Variants in PXDN observed in about 807,000 individuals in gnomAD.
The protein encoded by PXDN is peroxidasin, also known as peroxidasin homolog.
In PXDN, 77 loss-of-function variants were observed where a neutral mutation model predicts 140.3. The observed-to-expected ratio is 0.55, with a 90% CI of 0.46 to 0.66. The LOEUF is 0.66. Among genes scored for constraint, PXDN ranks in the 30% least tolerant of loss-of-function variants. The pLI, the probability that PXDN is intolerant of heterozygous loss-of-function variation, is 0.00. For synonymous variants in PXDN, 911 were observed against 857.4 expected, an observed-to-expected ratio of 1.06 and a Z score of -1.09; for missense variants, 1,838 against 2,039.5, an observed-to-expected ratio of 0.90 and a Z score of 1.90.
At chr2:1,652,118 T>C (rs150741626) in intron 16 of PXDN, among the ~76,000 whole-genome samples, 1 of 152,348 alleles carries the variant, frequency 6.6e-6, no homozygotes, top group African/African-American at 2.4e-5. Flanking sequence ...TGGCATGTAA[T>C]GACACACAAT....
rs370034505 is a variant in PXDN, at chr2:1,649,124, C to T, written c.2656G>A (p.Gly886Ser). 5.0e-6 allele frequency: 8 copies of T among 1,612,568 alleles called. No homozygotes were observed. The African/African-American group carries it at 1.1e-4, about 22-fold the overall frequency. The change falls in exon 17 of 23, where the codon GGC (glycine) becomes AGC (serine). Residue 886 changes from glycine to serine, a missense_variant. Coordinates refer to ENST00000252804, the MANE Select transcript of PXDN (RefSeq NM_012293.3). The surrounding 1 kb of genome is among the most constrained non-coding windows in gnomAD (Gnocchi z 7.1). ...MFFVRSSPVC[G>S]SGMTSLLMNS... ...ATGAGCAGCGAAGTCATGCCGCTGCCGCACACAGGGCTGGAGCGCACGAAG... is the reference window on the plus strand; with the variant it reads ...ATGAGCAGCGAAGTCATGCCGCTGCTGCACACAGGGCTGGAGCGCACGAAG...
intron 1 of PXDN, among the ~76,000 whole-genome samples, chr2:1,733,154 G>A (rs1399454617): frequency 6.6e-6 from 1 of 152,000 alleles, no homozygotes; most frequent in Admixed American, 6.6e-5. Context: ...GATGGGGACA[G>A]AAAACATATC....
At chr2:1,657,170 T>TG (rs201158049) in intron 14 of PXDN, among the ~76,000 whole-genome samples, 11 of 141,926 alleles carry the variant, frequency 7.8e-5, no homozygotes, top group Admixed American at 1.4e-4. Context: ...TCCTACTGAC[T>TG]GGGGGGGAAC....
At chr2:1,719,837 TGTGTGTG>T (rs1558525410) in intron 1 of PXDN, among the ~76,000 whole-genome samples, 1 of 38,910 alleles carries the variant, frequency 2.6e-5, no homozygotes, top group African/African-American at 5.1e-5. Context: ...GCGTGCATTG[TGTGTGTG>T]TGTGTGTGTG....
At chr2:1,677,847 C>T (rs4853849) in intron 7 of PXDN, among the ~76,000 whole-genome samples, 20,579 of 152,240 alleles carry the variant, frequency 0.14, 1,482 homozygotes, top group Middle Eastern at 0.18. Flanking sequence ...GTGAGCATCA[C>T]GAGAAGAAAA....
intron 1 of PXDN, among the ~76,000 whole-genome samples, chr2:1,743,702 G>A (rs1168562620): frequency 1.5e-4 from 5 of 34,030 alleles, no homozygotes; most frequent in African/African-American, 2.8e-4. Flanking sequence ...GAGGAGGAAG[G>A]GGAGGAGGAG....
intron 10 of PXDN, 125 bp from the exon 11 acceptor site, chr2:1,665,199 G>C: frequency 1.4e-6 from 1 of 722,878 alleles, no homozygotes; most frequent in Non-Finnish European, 2.4e-6. Flanking sequence ...ACAACGAAGA[G>C]TCAGAAAGAG....
chr2:1,693,198 G>A (rs1684223011), intron 1 of PXDN, 64 bp from the exon 2 acceptor site: 2 of 1,313,208 alleles, frequency 1.5e-6, no homozygotes, highest in Admixed American at 2.3e-5. Context: ...CTACACATTT[G>A]CTGCTCTTAG....
chr2:1,655,973 G>C (rs774691664), intron 14 of PXDN, among the ~76,000 whole-genome samples: 1 of 150,636 alleles, frequency 6.6e-6, no homozygotes, highest in Non-Finnish European at 1.5e-5. Flanking sequence ...TAAATAACAC[G>C]CACATAGCCC....
chr2:1,741,401 G>A (rs1411799599), intron 1 of PXDN, among the ~76,000 whole-genome samples: 1 of 152,172 alleles, frequency 6.6e-6, no homozygotes, highest in Non-Finnish European at 1.5e-5. Context: ...CCAACAGCAA[G>A]GCCAAACCGC....
chr2:1,642,459 C>T (rs1394105941), intron 19 of PXDN, among the ~76,000 whole-genome samples: 1 of 152,232 alleles, frequency 6.6e-6, no homozygotes, highest in African/African-American at 2.4e-5. Flanking sequence ...TGTCCACAGA[C>T]ACCACAAGCT....
At chr2:1,743,718 A>AG (rs139026207) in intron 1 of PXDN, among the ~76,000 whole-genome samples, 3 of 16,390 alleles carry the variant, frequency 1.8e-4, no homozygotes, top group African/African-American at 6.7e-4. Context: ...AGGAGGAGGA[A>AG]GGGGAGGAGG....
intron 1 of PXDN, among the ~76,000 whole-genome samples, chr2:1,702,577 G>A (rs554630542): frequency 2.0e-5 from 3 of 152,312 alleles, no homozygotes; most frequent in African/African-American, 7.2e-5. Flanking sequence ...AGGAGGTCCC[G>A]ACGACAAATG....
In PXDN at chr2:1,714,623, C is replaced by T. The variant is rs114356459; in HGVS notation, c.201-21489G>A. 0.02 allele frequency among the ~76,000 whole-genome samples: 2,972 copies of T among 152,334 alleles called. 45 individuals are homozygous for T. The highest frequency in any genetic ancestry group is 0.027 in the Non-Finnish European group (1,836 of 68,040). On this transcript the variant is annotated intron_variant, in intron 1 of 22. Transcript: ENST00000252804. The surrounding 1 kb of genome is among the most constrained non-coding windows in gnomAD (Gnocchi z 4.3). ...TTGCAGCTCCTGAATTCTGTCTCTGCAGCAGGAATGCGGCCACAGAAGAGG... is the reference window on the plus strand; with the variant it reads ...TTGCAGCTCCTGAATTCTGTCTCTGTAGCAGGAATGCGGCCACAGAAGAGG...
rs545156594 is a variant in PXDN, at chr2:1,688,774, C to T, written c.345-1071G>A. The stretch of plus-strand genomic sequence containing the variant: ...AGACACGTCTCTTCAAAATTGATTA[C>T]TTATGCCTGGGTTTCACCTACTCGT... On this transcript the variant is annotated intron_variant, in intron 3 of 22. Transcript: ENST00000252804. Among the ~76,000 whole-genome samples, 4 of 152,300 alleles carry T rather than the reference C, an allele frequency of 2.6e-5. No homozygotes were observed. The South Asian group carries it at 8.3e-4, about 32-fold the overall frequency.
chr2:1,719,847 T>C (rs1262298238), intron 1 of PXDN, among the ~76,000 whole-genome samples: 1 of 147,760 alleles, frequency 6.8e-6, no homozygotes, highest in Non-Finnish European at 1.5e-5. Flanking sequence ...TGTGTGTGTG[T>C]GTGTGTGTGT....
intron 6 of PXDN, 81 bp downstream of exon 6, chr2:1,683,575 C>A: frequency 2.9e-6 from 2 of 680,098 alleles, no homozygotes; most frequent in East Asian, 4.4e-5. Flanking sequence ...TTTCACAATA[C>A]TTGAAAAAGA....
rs552647521 is a variant in PXDN, at chr2:1,708,620, C to A, written c.201-15486G>T. On this transcript the variant is annotated intron_variant, in intron 1 of 22. Transcript: ENST00000252804. The stretch of plus-strand genomic sequence containing the variant: ...CCCTGATGCAGTCACGCACCCAGAA[C>A]CCCCGACTCGCCCCGCAAGGAAGAA... Among the ~76,000 whole-genome samples the A allele has an allele frequency of 5.9e-5, 9 of 152,288 alleles. No individual in the cohort carries two copies. The South Asian group carries it at 1.0e-3, about 18-fold the overall frequency.
chr2:1,642,209 C>A (rs964064462), intron 19 of PXDN, among the ~76,000 whole-genome samples: 8 of 151,830 alleles, frequency 5.3e-5, no homozygotes, highest in South Asian at 2.1e-4. Context: ...TCACACACAC[C>A]CCCCACACAC....
Sources: gnomAD v4.1 joint callset for allele counts (sites outside exome capture counted in the v4.1 genomes callset) on GRCh38, gnomAD v4.1.1 for gene constraint, Gnocchi (gnomAD v3.1) non-coding constraint, MANE v1.5 for transcripts, NCBI Gene and HGNC (gene_info 2026-07-23, HGNC 2026-07-21) for gene names.